Variants in VWDE observed in about 807,000 individuals in gnomAD.
VWDE encodes the protein von Willebrand factor D and EGF domains.
In VWDE, 207 loss-of-function variants were observed where a neutral mutation model predicts 178.4. The ratio of observed to expected loss-of-function variants is 1.16; its 90% CI spans 1.04 to 1.30. The LOEUF is 1.30. Ranked by LOEUF, VWDE falls within the 50% of genes most tolerant of loss-of-function variation. The pLI is 0.00. For missense variants in VWDE, 2,287 were observed against 1,901.3 expected, an observed-to-expected ratio of 1.20 and a Z score of -3.77; for synonymous variants, 738 against 651.4, an observed-to-expected ratio of 1.13 and a Z score of -2.02.
chr7:12,379,671 T>A, intron 5 of VWDE, 105 bp from the exon 6 acceptor site: 1 of 656,702 alleles, frequency 1.5e-6, no homozygotes, highest in Non-Finnish European at 2.4e-6. Flanking sequence ...AGATAGTATA[T>A]AAAGATAATA....
chr7:12,395,830 T>C (rs1425498691), intron 1 of VWDE, among the ~76,000 whole-genome samples: 1 of 152,108 alleles, frequency 6.6e-6, no homozygotes, highest in East Asian at 1.9e-4. Flanking sequence ...GTGAGGATTA[T>C]ATTGATGGCT....
chr7:12,369,686 T>G lies in VWDE; in HGVS notation c.2620A>C (p.Thr874Pro), dbSNP rs878950565. The G allele has an allele frequency of 6.4e-7, 1 of 1,551,764 alleles. No homozygotes were observed. The highest frequency in any genetic ancestry group is 8.7e-7 in the Non-Finnish European group (1 of 1,146,946). The change falls in exon 12 of 29, where the codon ACA becomes CCA. Residue 874 changes from threonine (T) to proline (P), a missense_variant. Transcript: ENST00000275358. Reference protein sequence around the residue: ...KRIVEEGKYNTEEYGTSIEDI... With the variant: ...KRIVEEGKYNPEEYGTSIEDI... ...TCAATTGATGTGCCATACTCTTCTGTGTTATATTTCCCCTCCTCCACAATC... is the reference window on the plus strand; with the variant it reads ...TCAATTGATGTGCCATACTCTTCTGGGTTATATTTCCCCTCCTCCACAATC...
At chr7:12,360,824 T>G (rs1215589922) in intron 15 of VWDE, among the ~76,000 whole-genome samples, 1 of 152,046 alleles carries the variant, frequency 6.6e-6, no homozygotes, top group Non-Finnish European at 1.5e-5. Context: ...CAAAGAAGAG[T>G]AGGTAACGTA....
At chr7:12,354,169 T>C (rs1782095980) in intron 18 of VWDE, 1 of 247,856 alleles carries the variant, frequency 4.0e-6, no homozygotes, top group African/African-American at 2.3e-5. Flanking sequence ...GCTGTTACAC[T>C]CTACCTATTA....
At chr7:12,351,544 A>G (rs1435470840) in intron 19 of VWDE, 29 bp downstream of exon 19, 1 of 1,522,808 alleles carries the variant, frequency 6.6e-7, no homozygotes, top group Non-Finnish European at 8.8e-7. Context: ...ATTACTTGTC[A>G]TTAGATTTTA....
chr7:12,373,192 C>G lies in VWDE; in HGVS notation c.1372G>C (p.Asp458His). 1 of 1,551,378 alleles carries G rather than the reference C, an allele frequency of 6.4e-7. No homozygotes were observed. The highest frequency in any genetic ancestry group is 8.7e-7 in the Non-Finnish European group (1 of 1,146,776). ...TFVLYKSMSR[D>H]FEVHVRQWDC... is the part of the protein sequence containing the mutation. ...CACTGACGTACATGGACTTCAAAAT[C>G]ACGTGACATACTCTTATAAAGCACA... The change falls in exon 10 of 29, where the codon GAT (aspartate) becomes CAT (histidine). Residue 458 changes from aspartate (D) to histidine (H), a missense_variant. Physicochemically the swap from Asp to His is moderately conservative, Grantham distance 81. Transcript: ENST00000275358.
At chr7:12,332,756 T>C (rs906786491) in intron 28 of VWDE, among the ~76,000 whole-genome samples, 5 of 152,182 alleles carry the variant, frequency 3.3e-5, no homozygotes, top group African/African-American at 1.2e-4. Flanking sequence ...GAGAAAACTA[T>C]ACATATATCC....
At chr7:12,349,808 T>C (rs937720847) in intron 19 of VWDE, among the ~76,000 whole-genome samples, 24 of 151,958 alleles carry the variant, frequency 1.6e-4, no homozygotes, top group African/African-American at 5.8e-4. Flanking sequence ...AAGATACAAC[T>C]AAACAACTTT....
chr7:12,337,015 CAGA>C lies in VWDE; in HGVS notation c.4528_4530del (p.Ser1510del), dbSNP rs1781073242. 6.4e-7 allele frequency: 1 copy of C among 1,551,432 alleles called. No individual in the cohort carries two copies. The highest frequency in any genetic ancestry group is 1.4e-5 in the African/African-American group (1 of 73,138). ...GTGTTGCATCGTTTCCCACTCCAAC[CAGA>C]AGGACAAGAGCAAGTGCTTGGTCCC... On this transcript the variant is annotated inframe_deletion, in exon 26 of 29. Transcript: ENST00000275358.
chr7:12,350,561 C>T (rs80234741), intron 19 of VWDE, among the ~76,000 whole-genome samples: 2,117 of 152,110 alleles, frequency 0.014, 18 homozygotes, highest in Middle Eastern at 0.034. Context: ...AGAAGAATTC[C>T]CATACCATTA....
At position 12,361,445 on chromosome 7, in the gene VWDE, C is replaced by T. The variant is rs373758034; in HGVS notation, c.2975G>A (p.Cys992Tyr). ...CTGCTGAACATCAGTGGGCAGCTGA[C>T]AATCAACAGCTCTGCTATTGTGGAA... ...TVFHNSRAVD[C>Y]QLPTDVQQFD... Residue 992 changes from cysteine to tyrosine, a missense_variant, in exon 14 of 29, where the codon TGT becomes TAT. By Grantham distance (194) the Cys-to-Tyr change is radical. Coordinates refer to ENST00000275358, the MANE Select transcript of VWDE (RefSeq NM_001135924.3). The T allele has an allele frequency of 2.6e-6, 4 of 1,551,198 alleles. No individual in the cohort carries two copies. Among genetic ancestry groups the T allele is most frequent in the Non-Finnish European group, 3.5e-6 (4 of 1,146,682 alleles).
Position 12,399,820 on chromosome 7 carries a change from AATAAAATAAC to A in VWDE, c.58+3829_58+3838del, listed in dbSNP as rs573019134. Among the ~76,000 whole-genome samples, 446 of 152,280 alleles carry A rather than the reference AATAAAATAAC, an allele frequency of 2.9e-3. 1 individual carries two copies. The highest frequency in any genetic ancestry group is 0.01 in the African/African-American group (434 of 41,578). On this transcript the variant is annotated intron_variant, in intron 1 of 28. Transcript: ENST00000275358. ...AACATAGTAAGATCCTATTTCTAAA[AATAAAATAAC>A]ATAAAATAAAAATTGAAATTCAAAA...
chr7:12,370,823 AC>A lies in VWDE; in HGVS notation c.1628del (p.Gly543ValfsTer5). 5 of 1,550,920 alleles carry A rather than the reference AC, an allele frequency of 3.2e-6. No homozygotes were observed. The highest frequency in any genetic ancestry group is 2.6e-6 in the Non-Finnish European group (3 of 1,146,588). ...TGATCGTTAGACTCATGCCCCATTC[AC>A]CAAGATCAGCACGGATAAATGCCCC... ...SSGAFIRADL[G>X]EWGMSLTIRA... On this transcript the variant is annotated frameshift_variant, in exon 11 of 29. Coordinates refer to ENST00000275358, the MANE Select transcript of VWDE (RefSeq NM_001135924.3). LOFTEE classifies it high-confidence loss of function.
At chr7:12,383,424 G>T in intron 4 of VWDE, 112 bp downstream of exon 4, 2 of 846,584 alleles carry the variant, frequency 2.4e-6, no homozygotes, top group Non-Finnish European at 3.7e-6. Flanking sequence ...ACCAGACTTT[G>T]GTTATATCAA....
intron 10 of VWDE, among the ~76,000 whole-genome samples, chr7:12,372,612 T>C (rs933517636): frequency 2.0e-5 from 3 of 152,142 alleles, no homozygotes; most frequent in Non-Finnish European, 2.9e-5. Context: ...ATTACACTTA[T>C]CTACCACTGT....
chr7:12,356,449 T>C, intron 17 of VWDE, 119 bp from the exon 18 acceptor site: 1 of 697,708 alleles, frequency 1.4e-6, no homozygotes, highest in Admixed American at 3.0e-5. Context: ...TCACTTATAT[T>C]TGATATATAT....
At chr7:12,396,753 T>G (rs1784643213) in intron 1 of VWDE, among the ~76,000 whole-genome samples, 1 of 133,024 alleles carries the variant, frequency 7.5e-6, no homozygotes, top group African/African-American at 3.4e-5. Flanking sequence ...CCATCTCTAC[T>G]TAAAAAAAAA....
At chr7:12,373,514 G>A (rs1245817749) in intron 9 of VWDE, among the ~76,000 whole-genome samples, 2 of 151,948 alleles carry the variant, frequency 1.3e-5, no homozygotes, top group Non-Finnish European at 2.9e-5. Flanking sequence ...TCATCTTTGA[G>A]TACTTGTTAA....
At chr7:12,347,099 A>G (rs1781647725) in intron 19 of VWDE, among the ~76,000 whole-genome samples, 1 of 152,164 alleles carries the variant, frequency 6.6e-6, no homozygotes, top group South Asian at 2.1e-4. Context: ...AGTTGTGTCA[A>G]AAAATACAGC....
Sources: allele counts gnomAD v4.1 joint callset (sites outside exome capture counted in the v4.1 genomes callset), GRCh38; gene constraint gnomAD v4.1.1; transcripts MANE v1.5; gene names NCBI Gene and HGNC (gene_info 2026-07-23, HGNC 2026-07-21).